Variants in IQSEC1 observed in about 807,000 individuals in gnomAD.
The protein encoded by IQSEC1 is IQ motif and SEC7 domain-containing protein 1.
IQSEC1 carries 31 observed loss-of-function variants against 91.0 expected under a neutral mutation model. That is an observed-to-expected ratio of 0.34 (90% confidence interval 0.26 to 0.46). The LOEUF is 0.46. Among genes scored for constraint, IQSEC1 ranks in the 20% least tolerant of loss-of-function variants. The pLI, the probability that IQSEC1 is intolerant of heterozygous loss-of-function variation, is 1.00. For synonymous variants in IQSEC1, 699 were observed against 662.6 expected, an observed-to-expected ratio of 1.05 and a Z score of -0.84; for missense variants, 1,388 against 1,575.6, an observed-to-expected ratio of 0.88 and a Z score of 2.02.
intron 2 of IQSEC1, among the ~76,000 whole-genome samples, chr3:13,139,411 G>A (rs2124934306): frequency 6.6e-6 from 1 of 152,310 alleles, no homozygotes; most frequent in East Asian, 1.9e-4. Flanking sequence ...GGAAGATCCG[G>A]CATGTTCCAT....
At chr3:12,907,212 AAATAAT>A (rs1051416678) in intron 12 of IQSEC1, among the ~76,000 whole-genome samples, 6 of 152,210 alleles carry the variant, frequency 3.9e-5, no homozygotes, top group East Asian at 3.9e-4. Context: ...TTACCATGGC[AAATAAT>A]AATAATAATG....
chr3:13,172,876 CT>C (rs908583552), intron 1 of IQSEC1, among the ~76,000 whole-genome samples: 8 of 152,200 alleles, frequency 5.3e-5, no homozygotes, highest in Non-Finnish European at 8.8e-5. Context: ...GTGTTCCCCC[CT>C]GTGCCCTGGG....
chr3:12,964,879 CT>C (rs1254123143), intron 1 of IQSEC1, among the ~76,000 whole-genome samples: 1 of 152,218 alleles, frequency 6.6e-6, no homozygotes, highest in Non-Finnish European at 1.5e-5. Context: ...CCTGGGTACC[CT>C]GTCCAATACT....
At chr3:13,191,477 ATTTTTTTTTTTTTTT>A (rs57912681) in intron 1 of IQSEC1, among the ~76,000 whole-genome samples, 109 of 92,112 alleles carry the variant, frequency 1.2e-3, no homozygotes, top group African/African-American at 2.8e-3. Flanking sequence ...CACCCAGCTA[ATTTTTTTTTTTTTTT>A]TTTTTTTTTT....
intron 1 of IQSEC1, among the ~76,000 whole-genome samples, chr3:13,046,015 G>A (rs1416094215): frequency 1.3e-5 from 2 of 152,232 alleles, no homozygotes; most frequent in Admixed American, 6.5e-5. Flanking sequence ...GTGTGTATAC[G>A]TGTGTGCGTG....
At position 13,267,388 on chromosome 3, in the gene IQSEC1, G is replaced by C. The variant is rs1695510187; in HGVS notation, c.272+15323C>G. Among the ~76,000 whole-genome samples, 4 of 152,264 alleles carry C rather than the reference G, an allele frequency of 2.6e-5. No homozygotes were observed. In the South Asian group the frequency reaches 8.3e-4, roughly 32 times the overall value. On this transcript the variant is annotated intron_variant, in intron 1 of 15. Transcript: ENST00000648114. ...GGACAGACCTGGTACCAGTTCAGTG[G>C]AGATAAAAGAAACTACATTTTACAA...
intron 1 of IQSEC1, among the ~76,000 whole-genome samples, chr3:13,045,007 TG>T (rs1228458850): frequency 1.3e-5 from 2 of 152,246 alleles, no homozygotes; most frequent in Non-Finnish European, 2.9e-5. Context: ...ACATTGATCC[TG>T]GCCCTGTCTG....
intron 2 of IQSEC1, among the ~76,000 whole-genome samples, chr3:13,082,894 G>A (rs1284989107): frequency 1.3e-5 from 2 of 152,172 alleles, no homozygotes; most frequent in Non-Finnish European, 2.9e-5. Flanking sequence ...CGGCCCCAGG[G>A]CCTTTGCACG....
At position 12,897,060 on chromosome 3, in the gene IQSEC1, C is replaced by T. The variant is rs1190669075; in HGVS notation, c.*3923G>A. Among the ~76,000 whole-genome samples the T allele has an allele frequency of 1.3e-5, 2 of 152,274 alleles. No individual in the cohort carries two copies. Among genetic ancestry groups the T allele is most frequent in the African/African-American group, 4.8e-5 (2 of 41,552 alleles). On this transcript the variant is annotated 3_prime_UTR_variant, in exon 14 of 14. Transcript: ENST00000613206. ...ACCTTCTATTGGTTGTGATGTGTCC[C>T]TTTATTTTAAATTTTGTATCAGTGT...
chr3:13,221,314 C>A (rs1034415003), intron 1 of IQSEC1, among the ~76,000 whole-genome samples: 3 of 152,188 alleles, frequency 2.0e-5, no homozygotes, highest in African/African-American at 7.2e-5. Context: ...CCTCTGCAGG[C>A]CCCTCTGTCT....
Position 12,922,713 on chromosome 3 carries a change from G to A in IQSEC1, c.1731-471C>T, listed in dbSNP as rs1163891501. The stretch of plus-strand genomic sequence containing the variant: ...TGTTCTCTTGTGGGGAGAGTATCGG[G>A]GTGGTGGGCTGGGTTTTGCAGATGC... On this transcript the variant is annotated intron_variant, in intron 4 of 13. Transcript: ENST00000613206. The surrounding 1 kb of genome is among the most constrained non-coding windows in gnomAD (Gnocchi z 5.1). 6.6e-6 allele frequency among the ~76,000 whole-genome samples: 1 copy of A among 152,158 alleles called. No individual in the cohort carries two copies.
intron 1 of IQSEC1, among the ~76,000 whole-genome samples, chr3:13,025,878 A>G (rs192249619): frequency 6.6e-6 from 1 of 152,200 alleles, no homozygotes; most frequent in Admixed American, 6.5e-5. Context: ...TTCTCTCTGC[A>G]TTGAGCTTCC....
chr3:12,968,613 A>T (rs1341027436), intron 1 of IQSEC1, among the ~76,000 whole-genome samples: 1 of 152,142 alleles, frequency 6.6e-6, no homozygotes, highest in African/African-American at 2.4e-5. Context: ...CATGGCTTGC[A>T]GTCCTCCATT....
chr3:13,137,835 A>AAAT (rs983366582), intron 2 of IQSEC1, among the ~76,000 whole-genome samples: 3 of 152,188 alleles, frequency 2.0e-5, no homozygotes, highest in African/African-American at 4.8e-5. Flanking sequence ...CCATCTCTAA[A>AAAT]AATAATAATA....
intron 1 of IQSEC1, among the ~76,000 whole-genome samples, chr3:12,998,287 G>A (rs1702295848): frequency 6.6e-6 from 1 of 152,200 alleles, no homozygotes; most frequent in African/African-American, 2.4e-5. Context: ...GGAGACTGAG[G>A]CTGCACTAAG....
chr3:13,164,893 T>G (rs1263878448), intron 1 of IQSEC1, among the ~76,000 whole-genome samples: 1 of 152,206 alleles, frequency 6.6e-6, no homozygotes, highest in Non-Finnish European at 1.5e-5. Context: ...CAAATTGGAT[T>G]TTATTGCCAG....
At chr3:13,195,236 C>T (rs752866608) in intron 1 of IQSEC1, among the ~76,000 whole-genome samples, 5 of 152,032 alleles carry the variant, frequency 3.3e-5, no homozygotes, top group Non-Finnish European at 7.4e-5. Context: ...GCAGATGAAA[C>T]GGTTCAATGA....
At position 12,967,401 on chromosome 3, in the gene IQSEC1, T is replaced by C. The variant is rs936912568; in HGVS notation, c.24-25536A>G. 36 of 1,535,466 alleles carry C rather than the reference T, an allele frequency of 2.3e-5. No individual in the cohort carries two copies. Among genetic ancestry groups the C allele is most frequent in the Non-Finnish European group, 3.1e-5 (36 of 1,144,644 alleles). The stretch of plus-strand genomic sequence containing the variant: ...CGCGCCCTCACCCGCTGTCAAGCTC[T>C]AGCTCCAGAAGGGACTGGGTCCTCT... On this transcript the variant is annotated intron_variant, in intron 1 of 13. Coordinates refer to ENST00000613206, the MANE Select transcript of IQSEC1 (RefSeq NM_001134382.3). This position sits in a 1 kb window ranked among gnomAD's most constrained non-coding sequence, Gnocchi z 5.9.
upstream of IQSEC1, among the ~76,000 whole-genome samples, chr3:13,076,526 G>C (rs1705564631): frequency 6.6e-6 from 1 of 152,210 alleles, no homozygotes; most frequent in South Asian, 2.1e-4. Context: ...GGAAGAGGGA[G>C]GACGGAGAAG....
Sources: allele counts gnomAD v4.1 joint callset (sites outside exome capture counted in the v4.1 genomes callset), GRCh38; gene constraint gnomAD v4.1.1; non-coding constraint Gnocchi (gnomAD v3.1); transcripts MANE v1.5; gene names NCBI Gene and HGNC (gene_info 2026-07-23, HGNC 2026-07-21).